The following WFS1 variants were observed in gnomAD, a reference collection of about 807,000 sequenced individuals.
WFS1 encodes the protein wolframin ER transmembrane glycoprotein.
A neutral mutation model predicts 68.5 loss-of-function variants in WFS1; 90 were observed. That is an observed-to-expected ratio of 1.31 (90% CI 1.11 to 1.56). The LOEUF is 1.56. Ranked by LOEUF, WFS1 falls within the 40% of genes most tolerant of loss-of-function variation. WFS1 has a pLI of 0.00. For missense variants in WFS1, 1,767 were observed against 1,232.6 expected (o/e 1.43, Z -6.49); for synonymous variants, 860 against 540.7 (o/e 1.59, Z -8.19).
intron 4 of WFS1, 52 bp from the exon 5 acceptor site, chr4:6,291,145 C>G (rs1730450855): frequency 6.2e-7 from 1 of 1,600,726 alleles, no homozygotes; most frequent in African/African-American, 1.3e-5. Context: ...CAGAGTGGCA[C>G]CGAAAGCCTA....
chr4:6,284,320 C>T (rs1475958906), intron 2 of WFS1, among the ~76,000 whole-genome samples: 1 of 152,038 alleles, frequency 6.6e-6, no homozygotes, highest in Non-Finnish European at 1.5e-5. Context: ...TTGTGGCGAG[C>T]CGAGATTTTG....
chr4:6,289,758 G>C (rs528107339), intron 4 of WFS1, among the ~76,000 whole-genome samples: 5 of 152,378 alleles, frequency 3.3e-5, no homozygotes, highest in African/African-American at 1.2e-4. Flanking sequence ...ACGCCTCAGG[G>C]AAAGATGAAA....
At position 6,302,721 on chromosome 4, in the gene WFS1, G is replaced by A. The variant is rs1046322; in HGVS notation, c.*253G>A. 0.11 allele frequency: 63,810 copies of A among 597,980 alleles called. 3,717 individuals are homozygous for A. The highest frequency in any genetic ancestry group is 0.17 in the Middle Eastern group (374 of 2,194). The allele number at this position is 597,980 out of a possible 1,614,324, so 37.0% of individuals were successfully genotyped here. ...TCCACCCTGAGCCTGACCTTTCTGA[G>A]TGACATGGGTGTGCCAGGCTAGACT... On this transcript the variant is annotated 3_prime_UTR_variant, in exon 8 of 8. Transcript: ENST00000226760.
At position 6,302,915 on chromosome 4, in the gene WFS1, T is replaced by C. The variant is rs1023401068; in HGVS notation, c.*447T>C. ...CATTTCTTATTTGTTTGGTCACTGC[T>C]ACACCTTAGCAGCTCTTCCCCTTTC... On this transcript the variant is annotated 3_prime_UTR_variant, in exon 8 of 8. Coordinates refer to ENST00000226760, the MANE Select transcript of WFS1 (RefSeq NM_006005.3). 3 of 212,236 alleles carry C rather than the reference T, an allele frequency of 1.4e-5. No homozygotes were observed. Among genetic ancestry groups the C allele is most frequent in the African/African-American group, 7.0e-5 (3 of 42,978 alleles). 13.1% of individuals were successfully genotyped at this position (212,236 alleles called of 1,614,324 possible). A position where few individuals can be genotyped will look rare whatever the true frequency, so the allele number is the denominator to read the frequency against.
chr4:6,276,413 G>A (rs190484649), intron 1 of WFS1, among the ~76,000 whole-genome samples: 135 of 152,302 alleles, frequency 8.9e-4, no homozygotes, highest in Admixed American at 1.8e-3. Flanking sequence ...CACGGGTCAC[G>A]GGATCTCTGC....
At chr4:6,280,782 C>T (rs1247706860) in intron 2 of WFS1, among the ~76,000 whole-genome samples, 1 of 152,138 alleles carries the variant, frequency 6.6e-6, no homozygotes, top group African/African-American at 2.4e-5. Flanking sequence ...ACTATGCGGC[C>T]CTGAGCTCTC....
At chr4:6,299,223 G>A (rs1730752841) in intron 7 of WFS1, among the ~76,000 whole-genome samples, 1 of 152,230 alleles carries the variant, frequency 6.6e-6, no homozygotes, top group Non-Finnish European at 1.5e-5. Flanking sequence ...GCTGGCCCTG[G>A]GTGGCAGCGC....
In WFS1 at chr4:6,277,609, C is replaced by T. The variant is rs111773340; in HGVS notation, c.154C>T (p.Pro52Ser). 25 of 1,575,886 alleles carry T rather than the reference C, an allele frequency of 1.6e-5. No homozygotes were observed. In the African/African-American group the frequency reaches 3.1e-4, roughly 20 times the overall value. The change falls in exon 2 of 8, where the codon CCT becomes TCT. Residue 52 changes from proline to serine, a missense_variant. By Grantham distance (74) the Pro-to-Ser change is moderately conservative (BLOSUM62 -1). Coordinates refer to ENST00000226760, the MANE Select transcript of WFS1 (RefSeq NM_006005.3). ...RAPGPQAGPG[P>S]GVRDAAAPAE... Reference sequence around the variant, plus strand: ...ACCCGGACCCCAGGCTGGCCCTGGCCCTGGTGTTAGAGACGCAGCGGCCCC... The same window carrying T: ...ACCCGGACCCCAGGCTGGCCCTGGCTCTGGTGTTAGAGACGCAGCGGCCCC...
chr4:6,302,741 T>A lies in WFS1; in HGVS notation c.*273T>A, dbSNP rs1190240777. On this transcript the variant is annotated 3_prime_UTR_variant, in exon 8 of 8. Coordinates refer to ENST00000226760, the MANE Select transcript of WFS1 (RefSeq NM_006005.3). ...TCTGAGTGACATGGGTGTGCCAGGCTAGACTAGGAGGTTCCGGTGTCTGGA... is the reference window on the plus strand; with the variant it reads ...TCTGAGTGACATGGGTGTGCCAGGCAAGACTAGGAGGTTCCGGTGTCTGGA... The A allele has an allele frequency of 3.5e-6, 2 of 573,832 alleles. No individual in the cohort carries two copies. Among genetic ancestry groups the A allele is most frequent in the African/African-American group, 1.9e-5 (1 of 53,338 alleles). The allele number at this position is 573,832 out of a possible 1,614,324, so 35.5% of individuals were successfully genotyped here.
intron 6 of WFS1, among the ~76,000 whole-genome samples, chr4:6,293,528 AC>A (rs33993436): frequency 0.79 from 119,495 of 151,900 alleles, 47,600 homozygotes; most frequent in East Asian, 1. Context: ...GCCATCAGTG[AC>A]CCCCCTTGCT....
chr4:6,292,462 T>C (rs1730494306), intron 6 of WFS1, among the ~76,000 whole-genome samples: 1 of 151,810 alleles, frequency 6.6e-6, no homozygotes, highest in South Asian at 2.1e-4. Flanking sequence ...CCTTTGTAGG[T>C]AGGCAGGGAA....
At position 6,295,085 on chromosome 4, in the gene WFS1, A is replaced by T. The variant is rs1254261817; in HGVS notation, c.757A>T (p.Lys253Ter). The T allele has an allele frequency of 2.5e-6, 4 of 1,613,438 alleles. No homozygotes were observed. Among genetic ancestry groups the T allele is most frequent in the Non-Finnish European group, 3.4e-6 (4 of 1,180,036 alleles). ...GGATGACTTTGTGGAGATCACTAAG[A>T]AGTACGCCAAGGGCGTCATCCCCAG... Reference protein sequence around the residue: ...ALDDFVEITKKYAKGVIPSSL... With the variant: ...ALDDFVEITK The change falls in exon 7 of 8, where the codon AAG becomes TAG. Residue 253 changes from lysine to a stop codon, truncating the protein, a stop_gained. Coordinates refer to ENST00000226760, the MANE Select transcript of WFS1 (RefSeq NM_006005.3). LOFTEE classifies it high-confidence loss of function.
At position 6,287,558 on chromosome 4, in the gene WFS1, C is replaced by T. The variant is rs1560407742; in HGVS notation, c.315+383C>T. 2.0e-5 allele frequency among the ~76,000 whole-genome samples: 3 copies of T among 152,158 alleles called. No individual in the cohort carries two copies. The highest frequency in any genetic ancestry group is 2.9e-5 in the Non-Finnish European group (2 of 68,032). ...TTCACCTGGCTGTTAGCTGTGTGCA[C>T]GGGGCCCTCAGAGCGGTGACCATTC... On this transcript the variant is annotated intron_variant, in intron 3 of 7. Transcript: ENST00000226760. The surrounding 1 kb of genome is among the most constrained non-coding windows in gnomAD (Gnocchi z 6.4).
rs61251604 is a variant in WFS1 at position 6,293,681 on chromosome 4, G to A, written c.713-1360G>A. On this transcript the variant is annotated intron_variant, in intron 6 of 7. Transcript: ENST00000226760. ...TGCTCCTTCTTGGGGTCCCTAGACT[G>A]ATGTCCTGTCTCTCAGGACAGGACA... Among the ~76,000 whole-genome samples the A allele has an allele frequency of 0.055, 8,378 of 152,284 alleles. 258 individuals are homozygous for A. The highest frequency in any genetic ancestry group is 0.11 in the Middle Eastern group (32 of 294).
intron 1 of WFS1, among the ~76,000 whole-genome samples, chr4:6,275,549 G>T (rs536752995): frequency 7.1e-6 from 1 of 140,394 alleles, no homozygotes; most frequent in African/African-American, 2.7e-5. Context: ...ATGCACCCGG[G>T]GGTGCTTGAC....
At position 6,291,272 on chromosome 4, in the gene WFS1, C is replaced by T; in HGVS notation, c.536C>T (p.Ala179Val). 3.1e-6 allele frequency: 5 copies of T among 1,613,310 alleles called. No homozygotes were observed. Among genetic ancestry groups the T allele is most frequent in the Non-Finnish European group, 4.2e-6 (5 of 1,180,002 alleles). ...ETDLERAVRK[A>V]ALVMYWKLNP... is the part of the protein sequence containing the mutation. The stretch of plus-strand genomic sequence containing the variant: ...GACCTGGAGAGGGCCGTGCGCAAGG[C>T]AGCCCTGGTCATGTACTGGAAGCTC... The change falls in exon 5 of 8, where the codon GCA becomes GTA. Residue 179 changes from alanine (A) to valine (V), a missense_variant. Coordinates refer to ENST00000226760, the MANE Select transcript of WFS1 (RefSeq NM_006005.3).
rs1731004826 is a variant in WFS1, at chr4:6,302,729, G to A, written c.*261G>A. 1.7e-6 allele frequency: 1 copy of A among 587,774 alleles called. No homozygotes were observed. Among genetic ancestry groups the A allele is most frequent in the Non-Finnish European group, 3.0e-6 (1 of 335,276 alleles). The allele number at this position is 587,774 out of a possible 1,614,324, so 36.4% of individuals were successfully genotyped here. ...GAGCCTGACCTTTCTGAGTGACATG[G>A]GTGTGCCAGGCTAGACTAGGAGGTT... On this transcript the variant is annotated 3_prime_UTR_variant, in exon 8 of 8. Transcript: ENST00000226760.
Position 6,283,503 on chromosome 4 carries a change from C to A in WFS1, c.233-3590C>A, listed in dbSNP as rs974334689. On this transcript the variant is annotated intron_variant, in intron 2 of 7. Coordinates refer to ENST00000226760, the MANE Select transcript of WFS1 (RefSeq NM_006005.3). This position sits in a 1 kb window ranked among gnomAD's most constrained non-coding sequence, Gnocchi z 5.0. ...TCAGATGATGTCATCAGGAAGTACT[C>A]CCCCGCCCCCATTCCACTCTGCTTT... 1.2e-4 allele frequency among the ~76,000 whole-genome samples: 19 copies of A among 152,330 alleles called. No individual in the cohort carries two copies. The highest frequency in any genetic ancestry group is 4.6e-4 in the African/African-American group (19 of 41,580).
At chr4:6,298,993 T>G (rs1730740949) in intron 7 of WFS1, among the ~76,000 whole-genome samples, 1 of 152,218 alleles carries the variant, frequency 6.6e-6, no homozygotes, top group Non-Finnish European at 1.5e-5. Context: ...CCTACCCCCA[T>G]GTGGGGCCGC....
Sources: gnomAD v4.1 joint callset for allele counts (sites outside exome capture counted in the v4.1 genomes callset) on GRCh38, gnomAD v4.1.1 for gene constraint, Gnocchi (gnomAD v3.1) non-coding constraint, MANE v1.5 for transcripts, NCBI Gene and HGNC (gene_info 2026-07-23, HGNC 2026-07-21) for gene names.